The following TENT5B variants were observed in gnomAD, a reference collection of about 807,000 sequenced individuals.
The protein encoded by TENT5B is terminal nucleotidyltransferase 5B.
In TENT5B, 12 loss-of-function variants were observed where a neutral mutation model predicts 21.7. That is an observed-to-expected ratio of 0.55 (90% CI 0.36 to 0.90). The LOEUF is 0.90. Among genes scored for constraint, TENT5B ranks in the 40% least tolerant of loss-of-function variants. TENT5B has a pLI of 0.01. For synonymous variants in TENT5B, 262 were observed against 266.6 expected (o/e 0.98, Z 0.17); for missense variants, 540 against 601.5 (o/e 0.90, Z 1.07).
At position 27,006,738 on chromosome 1, in the gene TENT5B, C is replaced by T. The variant is rs199569200; in HGVS notation, c.484G>A (p.Ala162Thr). The T allele has an allele frequency of 9.9e-6, 16 of 1,613,884 alleles. No individual in the cohort carries two copies. In the African/African-American group the frequency reaches 1.6e-4, roughly 16 times the overall value. The stretch of plus-strand genomic sequence containing the variant: ...TTGAGTGTCAGTGGCGTGATCTTGG[C>T]CCGGCTCACACCGGCCGGCAGGAAG... ...LDFLPAGVSR[A>T]KITPLTLKEA... The change falls in exon 2 of 2, where the codon GCC becomes ACC. Residue 162 changes from alanine (A) to threonine (T), a missense_variant. Transcript: ENST00000289166. This position sits in a 1 kb window ranked among gnomAD's most constrained non-coding sequence, Gnocchi z 9.4.
At chr1:27,009,055 G>A (rs1570783519) in intron 1 of TENT5B, among the ~76,000 whole-genome samples, 1 of 131,678 alleles carries the variant, frequency 7.6e-6, no homozygotes, top group East Asian at 2.6e-4. Context: ...AGTGAATGCA[G>A]TGGCACGATC....
chr1:27,010,199 T>C (rs2082617500), intron 1 of TENT5B, among the ~76,000 whole-genome samples: 1 of 152,144 alleles, frequency 6.6e-6, no homozygotes, highest in South Asian at 2.1e-4. Flanking sequence ...ACACAACCAA[T>C]AAAAGGCCTC....
intron 1 of TENT5B, among the ~76,000 whole-genome samples, chr1:27,010,438 G>A (rs1450681364): frequency 1.3e-5 from 2 of 150,506 alleles, no homozygotes; most frequent in African/African-American, 2.5e-5. Flanking sequence ...CCCCATCCCT[G>A]CACACATCCC....
In TENT5B at chr1:27,012,447, T is replaced by C; in HGVS notation, c.224A>G (p.Asn75Ser). ...SEPIPIHGRGNFPTLSVQPRQ... is the reference protein window; with the variant it reads ...SEPIPIHGRGSFPTLSVQPRQ... The stretch of plus-strand genomic sequence containing the variant: ...GGGCTGCACGCTCAGCGTGGGGAAG[T>C]TGCCGCGCCCGTGAATGGGAATCGG... Residue 75 changes from asparagine (N) to serine (S), a missense_variant, in exon 1 of 2, where the codon AAC becomes AGC. Transcript: ENST00000289166. 2 of 1,613,246 alleles carry C rather than the reference T, an allele frequency of 1.2e-6. No homozygotes were observed. Among genetic ancestry groups the C allele is most frequent in the Non-Finnish European group, 1.7e-6 (2 of 1,179,890 alleles).
rs1364793110 is a variant in TENT5B, at chr1:27,006,261, G to A, written c.961C>T (p.Arg321Cys). The change falls in exon 2 of 2, where the codon CGC (arginine) becomes TGC (cysteine). Residue 321 changes from arginine to cysteine, a missense_variant. By Grantham distance (180) the Arg-to-Cys change is radical (BLOSUM62 -3). Coordinates refer to ENST00000289166, the MANE Select transcript of TENT5B (RefSeq NM_052943.4). The surrounding 1 kb of genome is among the most constrained non-coding windows in gnomAD (Gnocchi z 9.4). Reference protein sequence around the residue: ...IDFPDLVEQRRTLERYLEAHF... With the variant: ...IDFPDLVEQRCTLERYLEAHF... Reference sequence around the variant, plus strand: ...GCCTCCAGGTAGCGCTCTAGGGTGCGCCGCTGCTCCACCAGGTCTGGAAAG... The same window carrying A: ...GCCTCCAGGTAGCGCTCTAGGGTGCACCGCTGCTCCACCAGGTCTGGAAAG... 3.1e-6 allele frequency: 5 copies of A among 1,612,528 alleles called. No homozygotes were observed. Among genetic ancestry groups the A allele is most frequent in the Non-Finnish European group, 4.2e-6 (5 of 1,179,724 alleles).
rs1442109723 is a variant in TENT5B, at chr1:27,006,018, T to C, written c.1204A>G (p.Thr402Ala). Residue 402 changes from threonine to alanine, a missense_variant, in exon 2 of 2, where the codon ACT becomes GCT. Coordinates refer to ENST00000289166, the MANE Select transcript of TENT5B (RefSeq NM_052943.4). The surrounding 1 kb of genome is among the most constrained non-coding windows in gnomAD (Gnocchi z 9.4). ...ACGGGGGTCACGTAGTAATTGACAG[T>C]GGCTGGCACAACCCCGTCAGTGCCT... is the stretch of plus-strand genomic sequence containing the variant. ...PPGTDGVVPA[T>A]VNYYVTPVQP... The C allele has an allele frequency of 1.5e-5, 24 of 1,608,982 alleles. No individual in the cohort carries two copies. Among genetic ancestry groups the C allele is most frequent in the Non-Finnish European group, 2.0e-5 (23 of 1,177,090 alleles).
chr1:27,006,623 A>G lies in TENT5B; in HGVS notation c.599T>C (p.Val200Ala). ...CACCGAGTCCACAAACTTGAGCTCC[A>G]CGTTCTTGCCGCTCTTGTTGGACAG... ...ISLSNKSGKNVELKFVDSVRR... is the reference protein window; with the variant it reads ...ISLSNKSGKNAELKFVDSVRR... Residue 200 changes from valine to alanine, a missense_variant, in exon 2 of 2, where the codon GTG (valine) becomes GCG (alanine). Coordinates refer to ENST00000289166, the MANE Select transcript of TENT5B (RefSeq NM_052943.4). The surrounding 1 kb of genome is among the most constrained non-coding windows in gnomAD (Gnocchi z 9.4). 1.9e-6 allele frequency: 3 copies of G among 1,614,136 alleles called. No individual in the cohort carries two copies. The highest frequency in any genetic ancestry group is 2.5e-6 in the Non-Finnish European group (3 of 1,180,014).
intron 1 of TENT5B, among the ~76,000 whole-genome samples, chr1:27,007,478 G>A (rs190765914): frequency 4.7e-5 from 7 of 150,228 alleles, no homozygotes; most frequent in East Asian, 3.9e-4. Flanking sequence ...TGCAACCTCC[G>A]TCCCCCGAGT....
Position 27,010,403 on chromosome 1 carries a change from G to A in TENT5B, c.264+2004C>T, listed in dbSNP as rs559968479. On this transcript the variant is annotated intron_variant, in intron 1 of 1. Transcript: ENST00000289166. ...AGTGAAAAGCCCCAAGGCAACAACC[G>A]ACACCACCCTCCCCCTCTCCCCGCC... Among the ~76,000 whole-genome samples the A allele has an allele frequency of 2.6e-3, 402 of 152,120 alleles. 2 individuals are homozygous for A. Among genetic ancestry groups the A allele is most frequent in the Non-Finnish European group, 4.9e-3 (336 of 67,974 alleles).
chr1:27,006,694 C>G lies in TENT5B; in HGVS notation c.528G>C (p.Lys176Asn). 1 of 1,614,158 alleles carries G rather than the reference C, an allele frequency of 6.2e-7. No individual in the cohort carries two copies. Among genetic ancestry groups the G allele is most frequent in the Non-Finnish European group, 8.5e-7 (1 of 1,180,026 alleles). The change falls in exon 2 of 2, where the codon AAG becomes AAC. Residue 176 changes from lysine to asparagine, a missense_variant. Lys to Asn is a moderately conservative substitution (Grantham distance 94). Transcript: ENST00000289166. This position sits in a 1 kb window ranked among gnomAD's most constrained non-coding sequence, Gnocchi z 9.4. ...PLTLKEAYVQKLVKVCTDSDR... is the reference protein window; with the variant it reads ...PLTLKEAYVQNLVKVCTDSDR... Reference sequence around the variant, plus strand: ...CCGAGTCTGTGCACACTTTCACCAGCTTCTGCACGTATGCCTCCTTGAGTG... The same window carrying G: ...CCGAGTCTGTGCACACTTTCACCAGGTTCTGCACGTATGCCTCCTTGAGTG...
Position 27,006,334 on chromosome 1 carries a change from G to A in TENT5B, c.888C>T (p.Thr296=), listed in dbSNP as rs559818519. ...LVRGFRPRPS[T]DVRALQRYMC... ...TGTAGCGCTGCAGGGCGCGCACATCGGTGCTGGGCCGGGGCCGGAAGCCCC... is the reference window on the plus strand; with the variant it reads ...TGTAGCGCTGCAGGGCGCGCACATCAGTGCTGGGCCGGGGCCGGAAGCCCC... Residue 296 remains threonine (T), a synonymous_variant, in exon 2 of 2, where the codon ACC becomes ACT. Transcript: ENST00000289166. The surrounding 1 kb of genome is among the most constrained non-coding windows in gnomAD (Gnocchi z 9.4). 25 of 1,610,524 alleles carry A rather than the reference G, an allele frequency of 1.6e-5. No individual in the cohort carries two copies. Among genetic ancestry groups the A allele is most frequent in the Admixed American group, 5.0e-5 (3 of 59,786 alleles).
In TENT5B at chr1:27,012,690, C is replaced by G. The variant is rs1190741586; in HGVS notation, c.-20G>C. The stretch of plus-strand genomic sequence containing the variant: ...CATCATCCGCCCGGCCCCCGGGCCC[C>G]GACGGCAGAAACCGTGGGGGTGGTT... On this transcript the variant is annotated 5_prime_UTR_variant, in exon 1 of 2. Transcript: ENST00000289166. The G allele has an allele frequency of 7.6e-6, 11 of 1,450,510 alleles. No individual in the cohort carries two copies. The highest frequency in any genetic ancestry group is 9.9e-6 in the Non-Finnish European group (11 of 1,116,348). The allele number at this position is 1,450,510 out of a possible 1,614,324, so 89.9% of individuals were successfully genotyped here.
chr1:27,009,926 T>A (rs551864274), intron 1 of TENT5B, among the ~76,000 whole-genome samples: 1 of 152,324 alleles, frequency 6.6e-6, no homozygotes, highest in East Asian at 1.9e-4. Context: ...GGCAGCTTGG[T>A]GCCTCCTGAA....
chr1:27,012,794 G>C lies in TENT5B; in HGVS notation c.-124C>G. ...AAGGCAGGGACGGGGCGGCAACGACGGCGAGACAAAGCCAGGGAACACCTC... is the reference window on the plus strand; with the variant it reads ...AAGGCAGGGACGGGGCGGCAACGACCGCGAGACAAAGCCAGGGAACACCTC... On this transcript the variant is annotated 5_prime_UTR_variant, in exon 1 of 2. Coordinates refer to ENST00000289166, the MANE Select transcript of TENT5B (RefSeq NM_052943.4). The C allele has an allele frequency of 8.1e-7, 1 of 1,233,422 alleles. No homozygotes were observed. The highest frequency in any genetic ancestry group is 1.1e-6 in the Non-Finnish European group (1 of 945,796). 76.4% of individuals were successfully genotyped at this position (1,233,422 alleles called of 1,614,324 possible).
At chr1:27,008,217 C>A (rs1294924395) in intron 1 of TENT5B, among the ~76,000 whole-genome samples, 1 of 152,068 alleles carries the variant, frequency 6.6e-6, no homozygotes, top group African/African-American at 2.4e-5. Context: ...TTCTCAGTAA[C>A]CCAAAGTTGT....
chr1:27,006,251 T>G lies in TENT5B; in HGVS notation c.971A>C (p.Glu324Ala). 1 of 1,612,558 alleles carries G rather than the reference T, an allele frequency of 6.2e-7. No individual in the cohort carries two copies. Among genetic ancestry groups the G allele is most frequent in the Non-Finnish European group, 8.5e-7 (1 of 1,179,716 alleles). Reference protein sequence around the residue: ...PDLVEQRRTLERYLEAHFGGA... With the variant: ...PDLVEQRRTLARYLEAHFGGA... ...ACCGAAGTGGGCCTCCAGGTAGCGC[T>G]CTAGGGTGCGCCGCTGCTCCACCAG... Residue 324 changes from glutamate to alanine, a missense_variant, in exon 2 of 2, where the codon GAG (glutamate) becomes GCG (alanine). Physicochemically the swap from Glu to Ala is moderately radical, Grantham distance 107. Transcript: ENST00000289166. This position sits in a 1 kb window ranked among gnomAD's most constrained non-coding sequence, Gnocchi z 9.4.
rs761759494 is a variant in TENT5B at position 27,006,568 on chromosome 1, G to A, written c.654C>T (p.Ser218=). Residue 218 remains serine, a synonymous_variant, in exon 2 of 2, where the codon TCC becomes TCT. Transcript: ENST00000289166. The surrounding 1 kb of genome is among the most constrained non-coding windows in gnomAD (Gnocchi z 9.4). ...ACAGGGAGTCCAGGATGATCTGGAA[G>A]GAGTCTATGCTGAATTCAAACTGGC... The part of the protein sequence containing the change: ...VRRQFEFSID[S]FQIILDSLLL... The A allele has an allele frequency of 1.2e-6, 2 of 1,614,106 alleles. No homozygotes were observed. The highest frequency in any genetic ancestry group is 1.3e-5 in the African/African-American group (1 of 74,942).
chr1:27,010,291 C>T (rs2124207350), intron 1 of TENT5B, among the ~76,000 whole-genome samples: 1 of 152,282 alleles, frequency 6.6e-6, no homozygotes, highest in South Asian at 2.1e-4. Context: ...AATCTCTAGC[C>T]ACTCAGATTG....
In TENT5B at chr1:27,006,131, T is replaced by G; in HGVS notation, c.1091A>C (p.Gln364Pro). 6.2e-7 allele frequency: 1 copy of G among 1,608,164 alleles called. No homozygotes were observed. Among genetic ancestry groups the G allele is most frequent in the Non-Finnish European group, 8.5e-7 (1 of 1,176,434 alleles). ...TVCLMNHERR[Q>P]TLDLIAALAL... ...CAGTGCGGCAATGAGGTCCAGCGTC[T>G]GGCGGCGCTCGTGGTTCATGAGGCA... The change falls in exon 2 of 2, where the codon CAG becomes CCG. Residue 364 changes from glutamine (Q) to proline (P), a missense_variant. Coordinates refer to ENST00000289166, the MANE Select transcript of TENT5B (RefSeq NM_052943.4). The surrounding 1 kb of genome is among the most constrained non-coding windows in gnomAD (Gnocchi z 9.4).
Sources: allele counts gnomAD v4.1 joint callset (sites outside exome capture counted in the v4.1 genomes callset), GRCh38; gene constraint gnomAD v4.1.1; non-coding constraint Gnocchi (gnomAD v3.1); transcripts MANE v1.5; gene names NCBI Gene and HGNC (gene_info 2026-07-23, HGNC 2026-07-21).